The following MAP3K9 variants were observed in gnomAD, a reference collection of about 807,000 sequenced individuals.
The protein encoded by MAP3K9 is mixed lineage kinase 1 (tyr and ser/thr specificity).
A neutral mutation model predicts 95.8 loss-of-function variants in MAP3K9; 46 were observed. The ratio of observed to expected loss-of-function variants is 0.48; its 90% CI spans 0.38 to 0.61. MAP3K9 has a LOEUF of 0.61. MAP3K9 is among the 20% of genes least tolerant of loss of function. MAP3K9 has a pLI of 0.00. For missense variants in MAP3K9, 1,296 were observed against 1,474.3 expected, an observed-to-expected ratio of 0.88 and a Z score of 1.98; for synonymous variants, 533 against 593.8, an observed-to-expected ratio of 0.90 and a Z score of 1.49.
intron 1 of MAP3K9, among the ~76,000 whole-genome samples, chr14:70,807,608 T>G (rs577404755): frequency 6.6e-6 from 1 of 152,328 alleles, no homozygotes; most frequent in East Asian, 1.9e-4. Context: ...AGTTGGTCCT[T>G]GCTAATGACG....
At chr14:70,796,954 G>A (rs368088543) in intron 2 of MAP3K9, among the ~76,000 whole-genome samples, 4 of 152,260 alleles carry the variant, frequency 2.6e-5, no homozygotes, top group South Asian at 2.1e-4. Flanking sequence ...GGCTACGTAC[G>A]GTCAATCTAA....
chr14:70,793,694 T>C (rs1337480106), intron 2 of MAP3K9, among the ~76,000 whole-genome samples: 2 of 152,204 alleles, frequency 1.3e-5, no homozygotes, highest in East Asian at 1.9e-4. Flanking sequence ...CTTTTATCTA[T>C]ACATTTATTG....
Position 70,727,772 on chromosome 14 carries a change from A to G in MAP3K9, c.*2608T>C, listed in dbSNP as rs2053838578. Reference sequence around the variant, plus strand: ...AGCCCTGCTTTTGCTTCTTTCAGGTACAATTATTTCCTTAGCAAAGACCCA... The same window carrying G: ...AGCCCTGCTTTTGCTTCTTTCAGGTGCAATTATTTCCTTAGCAAAGACCCA... On this transcript the variant is annotated 3_prime_UTR_variant, in exon 12 of 12. Coordinates refer to ENST00000554752, the MANE Select transcript of MAP3K9 (RefSeq NM_001284230.2). 6.6e-6 allele frequency: 1 copy of G among 152,244 alleles called. No individual in the cohort carries two copies. The highest frequency in any genetic ancestry group is 2.1e-4 in the South Asian group (1 of 4,826). The allele number at this position is 152,244 out of a possible 1,614,324, so 9.4% of individuals were successfully genotyped here. A position where few individuals can be genotyped will look rare whatever the true frequency, so the allele number is the denominator to read the frequency against.
At chr14:70,783,747 A>G (rs1035981027) in intron 2 of MAP3K9, among the ~76,000 whole-genome samples, 3 of 152,238 alleles carry the variant, frequency 2.0e-5, no homozygotes, top group Non-Finnish European at 4.4e-5. Context: ...TTGCTCACGC[A>G]TGGTCCATTT....
rs531722043 is a variant in MAP3K9 at position 70,762,529 on chromosome 14, T to C, written c.821-1347A>G. ...AACATCTATCTTCTCATGAGTTTGT[T>C]GTCCATTTGTGTATCTTCTTTGGAG... On this transcript the variant is annotated intron_variant, in intron 2 of 11. Coordinates refer to ENST00000554752, the MANE Select transcript of MAP3K9 (RefSeq NM_001284230.2). Among the ~76,000 whole-genome samples the C allele has an allele frequency of 1.6e-4, 25 of 152,336 alleles. No homozygotes were observed. The South Asian group carries it at 5.2e-3, about 32-fold the overall frequency.
At chr14:70,804,040 G>A (rs1225003295) in intron 1 of MAP3K9, among the ~76,000 whole-genome samples, 2 of 152,226 alleles carry the variant, frequency 1.3e-5, no homozygotes, top group African/African-American at 4.8e-5. Context: ...TAGATGTGGA[G>A]AGGAATGTTT....
At chr14:70,803,005 T>A (rs946428484) in intron 1 of MAP3K9, among the ~76,000 whole-genome samples, 1 of 152,136 alleles carries the variant, frequency 6.6e-6, no homozygotes, top group African/African-American at 2.4e-5. Context: ...CTTGGCACCC[T>A]CCTCACAGTA....
intron 2 of MAP3K9, among the ~76,000 whole-genome samples, chr14:70,776,987 C>T (rs1019499897): frequency 4.3e-4 from 66 of 152,184 alleles, no homozygotes; most frequent in Non-Finnish European, 8.8e-4. Context: ...CCTGCCACCA[C>T]ACCCGGCTAA....
At chr14:70,744,421 G>A (rs191501575) in intron 5 of MAP3K9, among the ~76,000 whole-genome samples, 1 of 152,132 alleles carries the variant, frequency 6.6e-6, no homozygotes, top group Admixed American at 6.5e-5. Context: ...TGTATCCACT[G>A]TACATAAATC....
At position 70,732,932 on chromosome 14, in the gene MAP3K9, G is replaced by C. The variant is rs761825090; in HGVS notation, c.2437C>G (p.Arg813Gly). 1.2e-6 allele frequency: 2 copies of C among 1,614,020 alleles called. No homozygotes were observed. Among genetic ancestry groups the C allele is most frequent in the Non-Finnish European group, 1.7e-6 (2 of 1,179,914 alleles). The change falls in exon 11 of 12, where the codon CGA (arginine) becomes GGA (glycine). Residue 813 changes from arginine (R) to glycine (G), a missense_variant. By Grantham distance (125) the Arg-to-Gly change is moderately radical (BLOSUM62 -2). Transcript: ENST00000554752. ...RPRRSTSPPSRKLFKKEEPML... is the reference protein window; with the variant it reads ...RPRRSTSPPSGKLFKKEEPML... ...GGCTCCTCCTTCTTGAAAAGCTTTCGGGATGGGGGGCTGGTGCTCCGACGA... is the reference window on the plus strand; with the variant it reads ...GGCTCCTCCTTCTTGAAAAGCTTTCCGGATGGGGGGCTGGTGCTCCGACGA...
chr14:70,736,256 G>A (rs191705944), intron 8 of MAP3K9, among the ~76,000 whole-genome samples: 3 of 152,284 alleles, frequency 2.0e-5, no homozygotes, highest in East Asian at 1.9e-4. Context: ...GTTGCAGGGG[G>A]ACTGTGAATC....
At position 70,809,080 on chromosome 14, in the gene MAP3K9, T is replaced by TCCTCGG; in HGVS notation, c.86_91dup (p.Ala29_Glu30dup). 1 of 1,429,016 alleles carries TCCTCGG rather than the reference T, an allele frequency of 7.0e-7. No individual in the cohort carries two copies. The highest frequency in any genetic ancestry group is 9.1e-7 in the Non-Finnish European group (1 of 1,098,488). The allele number at this position is 1,429,016 out of a possible 1,614,324, so 88.5% of individuals were successfully genotyped here. On this transcript the variant is annotated inframe_insertion, in exon 1 of 12. Transcript: ENST00000554752. ...CGCCTCCTCCTCCTCCTCCTCCTCC[T>TCCTCGG]CCTCGGCCCCGGCCCCTGCTCCATC...
At position 70,740,123 on chromosome 14, in the gene MAP3K9, C is replaced by G. The variant is rs1038858386; in HGVS notation, c.1609G>C (p.Asp537His). 9 of 1,614,058 alleles carry G rather than the reference C, an allele frequency of 5.6e-6. No individual in the cohort carries two copies. The highest frequency in any genetic ancestry group is 7.6e-6 in the Non-Finnish European group (9 of 1,180,006). The change falls in exon 7 of 12, where the codon GAT becomes CAT. Residue 537 changes from aspartate to histidine, a missense_variant. By Grantham distance (81) the Asp-to-His change is moderately conservative (BLOSUM62 -1). Transcript: ENST00000554752. ...CTGTTGATAAGACTCTTCCTTTTAT[C>G]CATGGTAGGGGAGGCCTGCACCGTG... ...KFTVQASPTM[D>H]KRKSLINSRS... is the part of the protein sequence containing the mutation.
chr14:70,793,573 G>C (rs1390798613), intron 2 of MAP3K9, among the ~76,000 whole-genome samples: 1 of 152,116 alleles, frequency 6.6e-6, no homozygotes, highest in Non-Finnish European at 1.5e-5. Flanking sequence ...ACACAAGTGA[G>C]GTCTGAATGA....
intron 2 of MAP3K9, among the ~76,000 whole-genome samples, chr14:70,767,890 C>T (rs983977318): frequency 1.2e-4 from 19 of 152,226 alleles, no homozygotes; most frequent in African/African-American, 2.4e-4. Context: ...TGGTCTTGAA[C>T]GCCTGGTCTC....
chr14:70,746,393 C>T (rs1389280513), intron 5 of MAP3K9, among the ~76,000 whole-genome samples: 1 of 152,222 alleles, frequency 6.6e-6, no homozygotes, highest in African/African-American at 2.4e-5. Flanking sequence ...CCTACTTTTG[C>T]AACACCTATT....
In MAP3K9 at chr14:70,722,639, T is replaced by C. The variant is rs1406082670; in HGVS notation, c.*7741A>G. 1 of 151,702 alleles carries C rather than the reference T, an allele frequency of 6.6e-6. No individual in the cohort carries two copies. The highest frequency in any genetic ancestry group is 1.5e-5 in the Non-Finnish European group (1 of 67,968). 9.4% of individuals were successfully genotyped at this position (151,702 alleles called of 1,614,324 possible). Reference sequence around the variant, plus strand: ...GGTTTAGCCATTGAACCAAGCCTGCTTGGCATCCCTAGTTAACAATTTACA... The same window carrying C: ...GGTTTAGCCATTGAACCAAGCCTGCCTGGCATCCCTAGTTAACAATTTACA... On this transcript the variant is annotated 3_prime_UTR_variant, in exon 12 of 12. Transcript: ENST00000554752.
At chr14:70,762,870 G>A (rs1223395622) in intron 2 of MAP3K9, among the ~76,000 whole-genome samples, 1 of 152,146 alleles carries the variant, frequency 6.6e-6, no homozygotes, top group Admixed American at 6.5e-5. Flanking sequence ...TATGGTTTCA[G>A]CTCTTACATT....
chr14:70,751,062 T>TATCC (rs992122289), intron 3 of MAP3K9, among the ~76,000 whole-genome samples: 3 of 151,842 alleles, frequency 2.0e-5, no homozygotes, highest in African/African-American at 7.3e-5. Context: ...CGGAGATCTC[T>TATCC]AATTCAAATG....
Sources: allele counts gnomAD v4.1 joint callset (sites outside exome capture counted in the v4.1 genomes callset), GRCh38; gene constraint gnomAD v4.1.1; transcripts MANE v1.5; gene names NCBI Gene and HGNC (gene_info 2026-07-23, HGNC 2026-07-21).